PPWD1: variants seen among roughly 807,000 people sequenced by gnomAD.
PPWD1 encodes peptidylprolyl isomerase domain and WD repeat-containing protein 1.
A neutral mutation model predicts 68.8 loss-of-function variants in PPWD1; 43 were observed. That is an observed-to-expected ratio of 0.62 (90% CI 0.49 to 0.81). PPWD1 has a LOEUF of 0.81. PPWD1 is among the 30% of genes least tolerant of loss of function. PPWD1 has a pLI of 0.00. For synonymous variants in PPWD1, 232 were observed against 258.7 expected, an observed-to-expected ratio of 0.90 and a Z score of 0.99; for missense variants, 672 against 804.8, an observed-to-expected ratio of 0.83 and a Z score of 2.00.
chr5:65,564,726 A>T (rs909462568), intron 1 of PPWD1, among the ~76,000 whole-genome samples: 5 of 151,494 alleles, frequency 3.3e-5, no homozygotes, highest in African/African-American at 4.9e-5. Context: ...TCCTCTCCCA[A>T]CCCCTTACTT....
intron 8 of PPWD1, among the ~76,000 whole-genome samples, chr5:65,584,572 T>C (rs1042800365): frequency 1.1e-4 from 16 of 152,114 alleles, no homozygotes; most frequent in Admixed American, 3.3e-4. Flanking sequence ...ACTTAAGATA[T>C]TGGGCCAGGT....
chr5:65,575,374 G>T (rs1753234173), intron 5 of PPWD1, among the ~76,000 whole-genome samples: 1 of 152,164 alleles, frequency 6.6e-6, no homozygotes, highest in African/African-American at 2.4e-5. Context: ...CCCTGTCTTT[G>T]AGACTAGAGA....
chr5:65,575,181 C>T (rs1190401958), intron 5 of PPWD1, among the ~76,000 whole-genome samples: 3 of 152,144 alleles, frequency 2.0e-5, no homozygotes, highest in African/African-American at 7.2e-5. Flanking sequence ...AGGTACTTAC[C>T]AGGTTGGATA....
intron 8 of PPWD1, 177 bp downstream of exon 8, chr5:65,583,396 A>G (rs186208591): frequency 2.2e-4 from 132 of 609,858 alleles, no homozygotes; most frequent in Admixed American, 1.5e-3. Context: ...GAAAATGGGA[A>G]ATTTTTATGC....
chr5:65,573,562 A>T (rs1167463520), intron 5 of PPWD1, among the ~76,000 whole-genome samples: 2 of 54,288 alleles, frequency 3.7e-5, no homozygotes, highest in African/African-American at 7.3e-5. Context: ...TTAAGTACAG[A>T]CGGGTTTCAC....
intron 8 of PPWD1, 124 bp from the exon 9 acceptor site, chr5:65,584,889 AC>A (rs895986612): frequency 7.7e-5 from 106 of 1,385,616 alleles, no homozygotes; most frequent in Middle Eastern, 2.3e-4. Flanking sequence ...AAAAAAAAAA[AC>A]AACTGTCCTT....
In PPWD1 at chr5:65,563,302, G is replaced by A. The variant is rs367745278; in HGVS notation, c.-9G>A. 20 of 1,609,662 alleles carry A rather than the reference G, an allele frequency of 1.2e-5. No individual in the cohort carries two copies. Among genetic ancestry groups the A allele is most frequent in the African/African-American group, 8.0e-5 (6 of 74,636 alleles). ...TTTGTGTCGCGCCTTTTCTGACGAT[G>A]CGAACAACATGGCGGCGGAAAGTGG... On this transcript the variant is annotated 5_prime_UTR_variant, in exon 1 of 11. The change abolishes an upstream ATG in the 5' untranslated region. Transcript: ENST00000261308.
intron 7 of PPWD1, among the ~76,000 whole-genome samples, chr5:65,582,321 A>G (rs1350076014): frequency 1.3e-5 from 2 of 152,212 alleles, no homozygotes; most frequent in African/African-American, 4.8e-5. Context: ...TGAGATTTCT[A>G]CAACTTCACT....
intron 9 of PPWD1, 54 bp from the exon 10 acceptor site, chr5:65,585,945 A>G: frequency 6.4e-7 from 1 of 1,572,470 alleles, no homozygotes; most frequent in Non-Finnish European, 8.6e-7. Flanking sequence ...AAAACTTCAA[A>G]GCGTACATAT....
chr5:65,563,861 C>T (rs767774108), intron 1 of PPWD1: 5 of 1,463,936 alleles, frequency 3.4e-6, no homozygotes, highest in Non-Finnish European at 4.6e-6. Flanking sequence ...GGTACCAGTT[C>T]TCTTTAAGGC....
chr5:65,568,867 A>G, intron 2 of PPWD1: 1 of 454,850 alleles, frequency 2.2e-6, no homozygotes, highest in South Asian at 1.6e-5. Context: ...ACATATTAGC[A>G]TTGCTGTCAC....
chr5:65,583,937 G>A (rs1753708701), intron 8 of PPWD1, among the ~76,000 whole-genome samples: 1 of 152,084 alleles, frequency 6.6e-6, no homozygotes, highest in African/African-American at 2.4e-5. Context: ...GGGCAACAGA[G>A]TGAGACCCTG....
rs771039159 is a variant in PPWD1, at chr5:65,577,030, C to A, written c.1121C>A (p.Thr374Lys). Reference sequence around the variant, plus strand: ...ACTGGACACTTCGTGCTGTATGGAACAATGCTGGGCATTAAAGTTATAAAT... The same window carrying A: ...ACTGGACACTTCGTGCTGTATGGAAAAATGCTGGGCATTAAAGTTATAAAT... ...DETGHFVLYG[T>K]MLGIKVINVE... The change falls in exon 6 of 11, where the codon ACA (threonine) becomes AAA (lysine). Residue 374 changes from threonine to lysine, a missense_variant. Transcript: ENST00000261308. 1 of 1,613,708 alleles carries A rather than the reference C, an allele frequency of 6.2e-7. No homozygotes were observed. Among genetic ancestry groups the A allele is most frequent in the Non-Finnish European group, 8.5e-7 (1 of 1,179,748 alleles).
intron 8 of PPWD1, among the ~76,000 whole-genome samples, chr5:65,583,814 T>G (rs1301609136): frequency 6.6e-6 from 1 of 152,104 alleles, no homozygotes; most frequent in Non-Finnish European, 1.5e-5. Context: ...TAGCTGGGCA[T>G]GGTGGCACGC....
chr5:65,565,665 G>A (rs1039680087), intron 1 of PPWD1, among the ~76,000 whole-genome samples: 3 of 152,068 alleles, frequency 2.0e-5, no homozygotes, highest in African/African-American at 2.4e-5. Context: ...AAAATTAGCC[G>A]GGCGTGGTGG....
In PPWD1 at chr5:65,571,957, C is replaced by G; in HGVS notation, c.640C>G (p.Pro214Ala). ...TTATGATGGCCGAGGAGATAACCAGCCACTTCATATTTTTGACAAACTCCA... is the reference window on the plus strand; with the variant it reads ...TTATGATGGCCGAGGAGATAACCAGGCACTTCATATTTTTGACAAACTCCA... ...FIYDGRGDNQPLHIFDKLHTS... is the reference protein window; with the variant it reads ...FIYDGRGDNQALHIFDKLHTS... Residue 214 changes from proline (P) to alanine (A), a missense_variant, in exon 5 of 11, where the codon CCA becomes GCA. Around this residue, in one of 2 missense-constraint regions of PPWD1, gnomAD observed 484 missense variants for 646.2 expected, o/e 0.75. Coordinates refer to ENST00000261308, the MANE Select transcript of PPWD1 (RefSeq NM_015342.4). The G allele has an allele frequency of 6.2e-7, 1 of 1,613,948 alleles. No homozygotes were observed. Among genetic ancestry groups the G allele is most frequent in the Non-Finnish European group, 8.5e-7 (1 of 1,179,862 alleles).
chr5:65,569,569 G>A (rs944062002), intron 2 of PPWD1, 63 bp from the exon 3 acceptor site: 2 of 1,470,306 alleles, frequency 1.4e-6, no homozygotes, highest in Non-Finnish European at 1.8e-6. Flanking sequence ...TGATTGCTTT[G>A]GGAATACTAA....
chr5:65,573,472 TATA>T (rs1561725631), intron 5 of PPWD1, among the ~76,000 whole-genome samples: 3 of 65,908 alleles, frequency 4.6e-5, no homozygotes, highest in African/African-American at 2.3e-4. Flanking sequence ...TATATATATA[TATA>T]TTTTTTTTTT....
At chr5:65,585,618 C>T (rs752879900) in intron 9 of PPWD1, among the ~76,000 whole-genome samples, 28 of 151,708 alleles carry the variant, frequency 1.8e-4, no homozygotes, top group Non-Finnish European at 2.5e-4. Context: ...ATCTCAGGGT[C>T]CTAAAGGAAT....
Sources: allele counts gnomAD v4.1 joint callset (sites outside exome capture counted in the v4.1 genomes callset), GRCh38; gene constraint gnomAD v4.1.1; regional missense constraint gnomAD v4.1.1; transcripts MANE v1.5; gene names NCBI Gene and HGNC (gene_info 2026-07-23, HGNC 2026-07-21).